The following TLK1 variants were observed in gnomAD, a reference collection of about 807,000 sequenced individuals.
TLK1 encodes the protein tousled like kinase 1, also known as serine/threonine-protein kinase tousled-like 1.
Under a neutral mutation model 105.3 loss-of-function variants are expected in TLK1, and 24 were observed. The ratio of observed to expected loss-of-function variants is 0.23; its 90% CI spans 0.17 to 0.32. The LOEUF is 0.32. Ranked by LOEUF, TLK1 falls within the 10% of genes least tolerant of loss-of-function variation. TLK1 has a pLI of 1.00. For synonymous variants in TLK1, 321 were observed against 310.4 expected, an observed-to-expected ratio of 1.03 and a Z score of -0.36; for missense variants, 558 against 910.5, an observed-to-expected ratio of 0.61 and a Z score of 4.98.
chr2:171,019,454 C>T (rs886180523), intron 12 of TLK1, among the ~76,000 whole-genome samples: 10 of 151,960 alleles, frequency 6.6e-5, no homozygotes, highest in African/African-American at 2.4e-4. Context: ...ATATGGTAGG[C>T]ATTAAAACTA....
At chr2:171,132,980 T>G (rs930654104) in intron 1 of TLK1, among the ~76,000 whole-genome samples, 1 of 152,220 alleles carries the variant, frequency 6.6e-6, no homozygotes. Flanking sequence ...GGCTTGAAGA[T>G]TAACACAACA....
rs199643934 is a variant in TLK1, at chr2:171,229,595, T to C, written c.-6+1550A>G. ...CTGATGAGCTACTGGACTTCAATTC[T>C]AAGGAAAAATGGACAGAATCTCTGT... On this transcript the variant is annotated intron_variant, in intron 1 of 20. Transcript: ENST00000521943. 1.3e-4 allele frequency among the ~76,000 whole-genome samples: 20 copies of C among 152,300 alleles called. No homozygotes were observed. The Middle Eastern group carries it at 0.01, about 78-fold the overall frequency.
chr2:171,042,342 T>C (rs1041715456), intron 11 of TLK1, among the ~76,000 whole-genome samples: 5 of 152,108 alleles, frequency 3.3e-5, no homozygotes, highest in African/African-American at 1.2e-4. Flanking sequence ...ACTCCTGGGC[T>C]CAAGAGATCC....
intron 2 of TLK1, among the ~76,000 whole-genome samples, chr2:171,108,600 T>C (rs1184473366): frequency 6.6e-6 from 1 of 151,814 alleles, no homozygotes. Flanking sequence ...AAGAAATGCA[T>C]TTAATTTTTT....
intron 2 of TLK1, among the ~76,000 whole-genome samples, chr2:171,086,293 A>G (rs1025264588): frequency 6.6e-6 from 1 of 152,232 alleles, no homozygotes; most frequent in African/African-American, 2.4e-5. Context: ...TACCTGAACC[A>G]AAAGTAGGCA....
chr2:171,021,271 CT>C (rs898841408), intron 12 of TLK1, among the ~76,000 whole-genome samples: 2 of 151,656 alleles, frequency 1.3e-5, no homozygotes, highest in African/African-American at 4.8e-5. Flanking sequence ...ATCTGGCACA[CT>C]TGTCTTAAAA....
intron 18 of TLK1, among the ~76,000 whole-genome samples, chr2:170,998,550 C>G (rs1307774183): frequency 6.6e-6 from 1 of 152,128 alleles, no homozygotes; most frequent in African/African-American, 2.4e-5. Flanking sequence ...CCACCCAACC[C>G]CCATAAGCCA....
intron 1 of TLK1, among the ~76,000 whole-genome samples, chr2:171,182,618 T>C (rs966276511): frequency 6.6e-6 from 1 of 152,024 alleles, no homozygotes; most frequent in Non-Finnish European, 1.5e-5. Context: ...TTTTGCTTTA[T>C]AGCAAAAAGA....
At chr2:171,036,394 C>T (rs779111857) in intron 11 of TLK1, among the ~76,000 whole-genome samples, 4 of 152,034 alleles carry the variant, frequency 2.6e-5, no homozygotes, top group East Asian at 1.9e-4. Flanking sequence ...GTCTCCCCCC[C>T]CAAAAAAAGC....
intron 11 of TLK1, among the ~76,000 whole-genome samples, chr2:171,042,940 G>A (rs1267208232): frequency 6.6e-6 from 1 of 152,028 alleles, no homozygotes; most frequent in Non-Finnish European, 1.5e-5. Flanking sequence ...TTACATAAAG[G>A]GTCTTCATGT....
intron 1 of TLK1, among the ~76,000 whole-genome samples, chr2:171,118,375 A>G (rs915319211): frequency 1.3e-5 from 2 of 152,194 alleles, no homozygotes; most frequent in Non-Finnish European, 1.5e-5. Flanking sequence ...CCACTTAATT[A>G]TTTTGTTTAT....
At chr2:171,229,562 G>T (rs1693955484) in intron 1 of TLK1, among the ~76,000 whole-genome samples, 1 of 152,154 alleles carries the variant, frequency 6.6e-6, no homozygotes, top group South Asian at 2.1e-4. Flanking sequence ...GAACCACTTT[G>T]GTTGACCCTG....
At chr2:171,117,962 G>A (rs1273642665) in intron 1 of TLK1, 105 bp from the exon 2 acceptor site, 26 of 712,524 alleles carry the variant, frequency 3.6e-5, no homozygotes, top group Admixed American at 6.9e-5. Context: ...TAAAAATTTA[G>A]GAATGAATGC....
intron 2 of TLK1, among the ~76,000 whole-genome samples, chr2:171,099,268 A>G (rs1257251169): frequency 1.3e-5 from 2 of 150,380 alleles, no homozygotes; most frequent in Non-Finnish European, 2.9e-5. Context: ...CAATACTATC[A>G]AAAAAATAAA....
At chr2:171,085,560 C>G (rs776875110) in intron 2 of TLK1, among the ~76,000 whole-genome samples, 1 of 152,010 alleles carries the variant, frequency 6.6e-6, no homozygotes, top group African/African-American at 2.4e-5. Context: ...ACACTTTATG[C>G]CAGACAAAAA....
In TLK1 at chr2:171,160,189, T is replaced by C. The variant is rs1053472961; in HGVS notation, c.139+101A>G. 6 of 1,179,524 alleles carry C rather than the reference T, an allele frequency of 5.1e-6. No individual in the cohort carries two copies. Among genetic ancestry groups the C allele is most frequent in the African/African-American group, 2.2e-5 (1 of 45,436 alleles). The allele number at this position is 1,179,524 out of a possible 1,614,324, so 73.1% of individuals were successfully genotyped here. The stretch of plus-strand genomic sequence containing the variant: ...CGCCACCATCCCCCACCCCAGGGTC[T>C]GGCGGAGAAGCCCCGGGGCGGGGGG... On this transcript the variant is annotated intron_variant, in intron 1 of 20. Coordinates refer to ENST00000431350, the MANE Select transcript of TLK1 (RefSeq NM_012290.5). This position sits in a 1 kb window ranked among gnomAD's most constrained non-coding sequence, Gnocchi z 4.4.
intron 3 of TLK1, among the ~76,000 whole-genome samples, chr2:171,079,579 T>A (rs147767287): frequency 1.3e-5 from 2 of 152,336 alleles, no homozygotes; most frequent in African/African-American, 4.8e-5. Flanking sequence ...CCAGGAGTGA[T>A]GTAAAATAAA....
At chr2:171,190,934 G>A (rs1315464170) in intron 1 of TLK1, among the ~76,000 whole-genome samples, 1 of 151,708 alleles carries the variant, frequency 6.6e-6, no homozygotes, top group East Asian at 1.9e-4. Context: ...GGGAGAGGCA[G>A]GTGGATCACT....
chr2:171,102,630 G>A (rs55997598), intron 2 of TLK1, among the ~76,000 whole-genome samples: 17,220 of 152,062 alleles, frequency 0.11, 1,532 homozygotes, highest in African/African-American at 0.24. Flanking sequence ...AATTCACTAC[G>A]TTATTTCTAA....
Sources: gnomAD v4.1 joint callset for allele counts (sites outside exome capture counted in the v4.1 genomes callset) on GRCh38, gnomAD v4.1.1 for gene constraint, Gnocchi (gnomAD v3.1) non-coding constraint, MANE v1.5 for transcripts, NCBI Gene and HGNC (gene_info 2026-07-23, HGNC 2026-07-21) for gene names.